FMR1NB: variants seen among roughly 807,000 people sequenced by gnomAD.
FMR1NB encodes the protein FMR1 neighbor protein.
In FMR1NB, 10 loss-of-function variants were observed where a neutral mutation model predicts 16.8. The ratio of observed to expected loss-of-function variants is 0.60; its 90% CI spans 0.37 to 1.01. The LOEUF (loss-of-function observed/expected upper bound fraction) is 1.01. Among genes scored for constraint, FMR1NB ranks in the 50% least tolerant of loss-of-function variants. The pLI, the probability that FMR1NB is intolerant of heterozygous loss-of-function variation, is 0.01. For missense variants in FMR1NB, 205 were observed against 204.8 expected (o/e 1.00, Z 0.00); for synonymous variants, 83 against 79.1 (o/e 1.05, Z -0.26).
intron 1 of FMR1NB, among the ~76,000 whole-genome samples, chrX:147,983,703 T>TATTA (rs2086437434): frequency 1.8e-5 from 2 of 112,318 alleles, no homozygotes; most frequent in African/African-American, 3.2e-5. Flanking sequence ...TTCTTGATAA[T>TATTA]GTCCTTTGAT....
chrX:148,006,867 T>C, intron 3 of FMR1NB, 25 bp downstream of exon 3: 2 of 1,179,443 alleles, frequency 1.7e-6, no homozygotes, highest in Non-Finnish European at 2.3e-6. Flanking sequence ...TTTCATTTAT[T>C]TCTATTTTTT....
At chrX:148,026,396 A>G (rs1350369059) in intron 5 of FMR1NB, 106 bp from the exon 6 acceptor site, 2 of 111,745 alleles carry the variant, frequency 1.8e-5, no homozygotes, top group Admixed American at 9.5e-5. Context: ...CATTCACTAT[A>G]TAGAATTTGA....
At chrX:148,013,837 C>T (rs5904834) in intron 4 of FMR1NB, among the ~76,000 whole-genome samples, 9,881 of 111,741 alleles carry the variant, frequency 0.088, 445 homozygotes, top group African/African-American at 0.17. Context: ...CTTGACCCTT[C>T]TCCATTCCTG....
chrX:147,994,733 G>C (rs1278052676), intron 1 of FMR1NB, among the ~76,000 whole-genome samples: 3 of 111,862 alleles, frequency 2.7e-5, no homozygotes, highest in Admixed American at 9.4e-5. Flanking sequence ...TCCATTATAG[G>C]TCTAACATGT....
intron 2 of FMR1NB, among the ~76,000 whole-genome samples, chrX:148,006,406 G>A (rs1195565700): frequency 5.4e-5 from 6 of 111,791 alleles, no homozygotes; most frequent in Non-Finnish European, 1.1e-4. Context: ...AGTTCCTTCT[G>A]TGTTATATTT....
intron 1 of FMR1NB, among the ~76,000 whole-genome samples, chrX:147,982,354 G>A (rs1218164780): frequency 3.7e-5 from 4 of 109,231 alleles, no homozygotes; most frequent in Non-Finnish European, 5.7e-5. Context: ...TTGGGAGGCC[G>A]AGGCGGGCGG....
At chrX:147,984,630 A>C (rs1198944362) in intron 1 of FMR1NB, among the ~76,000 whole-genome samples, 1 of 111,721 alleles carries the variant, frequency 9.0e-6, no homozygotes, top group Admixed American at 9.5e-5. Context: ...TGGATATTCT[A>C]GACATAGAAT....
intron 2 of FMR1NB, 132 bp from the exon 3 acceptor site, chrX:148,006,570 T>C: frequency 1.6e-6 from 1 of 631,172 alleles, no homozygotes; most frequent in Non-Finnish European, 2.3e-6. Context: ...TTATTTTCTT[T>C]TAGCACCCAT....
chrX:148,003,955 A>G (rs782635654), intron 2 of FMR1NB, among the ~76,000 whole-genome samples: 2 of 112,316 alleles, frequency 1.8e-5, no homozygotes, highest in Non-Finnish European at 3.8e-5. Context: ...GCTCTTATGA[A>G]AAATCATGCA....
At chrX:147,986,834 T>C (rs1557187127) in intron 1 of FMR1NB, among the ~76,000 whole-genome samples, 1 of 111,856 alleles carries the variant, frequency 8.9e-6, no homozygotes, top group African/African-American at 3.3e-5. Flanking sequence ...AAATTTAAAG[T>C]AGTATTTTCT....
intron 4 of FMR1NB, among the ~76,000 whole-genome samples, chrX:148,015,133 T>C (rs926973498): frequency 1.8e-5 from 2 of 112,015 alleles, no homozygotes; most frequent in Admixed American, 9.5e-5. Flanking sequence ...GAGTAGCCAC[T>C]ATTGAACCTT....
chrX:148,009,514 T>C (rs2044613207), intron 4 of FMR1NB, among the ~76,000 whole-genome samples: 1 of 88,576 alleles, frequency 1.1e-5, no homozygotes, highest in East Asian at 3.2e-4. Context: ...GCTTCCAAGC[T>C]TTTTTTTTTT....
At chrX:147,997,765 A>G (rs1259257038) in intron 1 of FMR1NB, among the ~76,000 whole-genome samples, 3 of 107,899 alleles carry the variant, frequency 2.8e-5, no homozygotes, top group Non-Finnish European at 3.8e-5. Flanking sequence ...TTTACAAGAG[A>G]AAAAAAAACC....
In FMR1NB at chrX:147,981,460, C is replaced by T. The variant is rs375204379; in HGVS notation, c.58C>T (p.Arg20Cys). ...GAATAGGAGAAGTCACCGTGCCATG[C>T]GTGTGGCTCACTTAGAGCTGGCAAC... is the stretch of plus-strand genomic sequence containing the variant. The part of the protein sequence containing the change: ...GRNRRSHRAM[R>C]VAHLELATYE... Residue 20 changes from arginine to cysteine, a missense_variant, in exon 1 of 6, where the codon CGT becomes TGT. Physicochemically the swap from Arg to Cys is radical, Grantham distance 180. Coordinates refer to ENST00000370467, the MANE Select transcript of FMR1NB (RefSeq NM_152578.3). 2.4e-5 allele frequency: 29 copies of T among 1,209,607 alleles called. No homozygotes were observed. The highest frequency in any genetic ancestry group is 2.9e-5 in the Non-Finnish European group (26 of 895,069).
chrX:148,008,522 T>C, intron 3 of FMR1NB, 96 bp from the exon 4 acceptor site: 1 of 781,188 alleles, frequency 1.3e-6, no homozygotes, highest in Non-Finnish European at 1.9e-6. Flanking sequence ...TTCACTTTAT[T>C]AACTGATAGT....
chrX:147,990,464 G>A (rs1416647440), intron 1 of FMR1NB, among the ~76,000 whole-genome samples: 1 of 111,387 alleles, frequency 9.0e-6, no homozygotes, highest in African/African-American at 3.3e-5. Flanking sequence ...CCCTGTTTTT[G>A]TATTTTTATA....
intron 1 of FMR1NB, among the ~76,000 whole-genome samples, chrX:148,000,191 T>C (rs2044563841): frequency 1.8e-5 from 2 of 111,942 alleles, no homozygotes; most frequent in South Asian, 3.7e-4. Context: ...AATAATTGCT[T>C]TGTAAATAGA....
At chrX:148,015,449 T>G (rs782527005) in intron 4 of FMR1NB, among the ~76,000 whole-genome samples, 3 of 111,674 alleles carry the variant, frequency 2.7e-5, no homozygotes, top group Non-Finnish European at 5.6e-5. Flanking sequence ...TTGATATAGG[T>G]ACTTACAGCT....
intron 4 of FMR1NB, among the ~76,000 whole-genome samples, chrX:148,019,867 A>G (rs1301646102): frequency 6.3e-5 from 7 of 111,734 alleles, no homozygotes. Flanking sequence ...AAGCCAGCAC[A>G]GCACTAGGGC....
Sources: allele counts gnomAD v4.1 joint callset (sites outside exome capture counted in the v4.1 genomes callset), GRCh38; gene constraint gnomAD v4.1.1; transcripts MANE v1.5; gene names NCBI Gene and HGNC (gene_info 2026-07-23, HGNC 2026-07-21).